SH3BP2: variants seen among roughly 807,000 people sequenced by gnomAD.
The protein encoded by SH3BP2 is SH3 domain binding protein 2, also known as SH3 domain-binding protein 2.
SH3BP2 carries 38 observed loss-of-function variants against 56.2 expected under a neutral mutation model. That is an observed-to-expected ratio of 0.68 (90% confidence interval 0.52 to 0.89). SH3BP2 has a LOEUF of 0.89. Ranked by LOEUF, SH3BP2 falls within the 40% of genes least tolerant of loss-of-function variation. The pLI is 0.00. For synonymous variants in SH3BP2, 346 were observed against 316.7 expected (o/e 1.09, Z -0.98); for missense variants, 748 against 762.6 (o/e 0.98, Z 0.23).
At position 2,833,709 on chromosome 4, in the gene SH3BP2, T is replaced by C. The variant is rs1042949866; in HGVS notation, c.1561T>C (p.Tyr521His). The change falls in exon 13 of 13, where the codon TAC becomes CAC. Residue 521 changes from tyrosine to histidine, a missense_variant. By Grantham distance (83) the Tyr-to-His change is moderately conservative (BLOSUM62 2). Transcript: ENST00000503393. ...TCTTCCCCCACAGGACTCTAAGTTC[T>C]ACCTGGAGGGCGAGGTCCTGTTTGT... ...YRIFEKDSKF[Y>H]LEGEVLFVSV... 1 of 1,610,896 alleles carries C rather than the reference T, an allele frequency of 6.2e-7. No homozygotes were observed. Among genetic ancestry groups the C allele is most frequent in the East Asian group, 2.2e-5 (1 of 44,822 alleles).
chr4:2,802,209 G>A (rs1723309280), intron 1 of SH3BP2, among the ~76,000 whole-genome samples: 1 of 152,166 alleles, frequency 6.6e-6, no homozygotes, highest in Non-Finnish European at 1.5e-5. Flanking sequence ...GACCAGCCTG[G>A]CCAACATAGT....
intron 3 of SH3BP2, chr4:2,823,637 C>A: frequency 2.4e-6 from 1 of 409,904 alleles, no homozygotes; most frequent in Non-Finnish European, 4.9e-6. Flanking sequence ...GGCCTGGGGC[C>A]CACACAAAGG....
Position 2,833,514 on chromosome 4 carries a change from G to T in SH3BP2, c.1549-183G>T, listed in dbSNP as rs545574325. ...ACATGGAGGACGGAGGGGAAGTGAG[G>T]TGGGAACATGGAGAGCACAGGCCTG... On this transcript the variant is annotated intron_variant, in intron 12 of 12. Coordinates refer to ENST00000503393, the MANE Select transcript of SH3BP2 (RefSeq NM_001122681.2). 4.2e-6 allele frequency: 3 copies of T among 706,162 alleles called. No individual in the cohort carries two copies. In the East Asian group the frequency reaches 8.1e-5, roughly 19 times the overall value. The allele number at this position is 706,162 out of a possible 1,614,324, so 43.7% of individuals were successfully genotyped here. A position where few individuals can be genotyped will look rare whatever the true frequency, so the allele number is the denominator to read the frequency against.
In SH3BP2 at chr4:2,795,648, T is replaced by TTC. The variant is rs1723036484; in HGVS notation, c.-5+2510_-5+2511insTC. 2.0e-5 allele frequency among the ~76,000 whole-genome samples: 3 copies of TTC among 152,048 alleles called. No individual in the cohort carries two copies. The South Asian group carries it at 6.2e-4, about 31-fold the overall frequency. On this transcript the variant is annotated intron_variant, in intron 1 of 12. Transcript: ENST00000503393. ...GGCTCCCACCCCTCGGGCCAATGAA[T>TTC]ACAGGGTGGGCCGTCAGGAGGAGGG...
chr4:2,809,670 C>G (rs1187460288), intron 1 of SH3BP2: 2 of 418,338 alleles, frequency 4.8e-6, no homozygotes, highest in African/African-American at 4.3e-5. Flanking sequence ...GCAGGGTCAG[C>G]TCCGTGGTGG....
At chr4:2,801,114 G>A (rs532504878) in intron 1 of SH3BP2, among the ~76,000 whole-genome samples, 62 of 152,314 alleles carry the variant, frequency 4.1e-4, no homozygotes, top group African/African-American at 1.4e-3. Context: ...TCTTGACCGC[G>A]GAGGACCGGG....
chr4:2,825,137 C>G lies in SH3BP2; in HGVS notation c.369C>G (p.Ala123=). The change falls in exon 5 of 13, where the codon GCC becomes GCG. Residue 123 remains alanine (A), a synonymous_variant. Transcript: ENST00000503393. ...SSEEERKSWM[A]LLRREIGHFH... The stretch of plus-strand genomic sequence containing the variant: ...CCGCTGACCTGCAGAGCTGGATGGC[C>G]TTGCTGCGCAGGGAGATTGGCCACT... 6.3e-7 allele frequency: 1 copy of G among 1,576,530 alleles called. No individual in the cohort carries two copies. The highest frequency in any genetic ancestry group is 8.6e-7 in the Non-Finnish European group (1 of 1,161,064).
chr4:2,832,252 G>C (rs374994591), intron 10 of SH3BP2, 79 bp from the exon 11 acceptor site: 1 of 1,266,396 alleles, frequency 7.9e-7, no homozygotes, highest in Admixed American at 1.7e-5. Context: ...AGAAAGCCAG[G>C]CTTGGGAGCG....
At chr4:2,824,919 C>T (rs2108730927) in intron 4 of SH3BP2, 189 bp downstream of exon 4, 1 of 668,814 alleles carries the variant, frequency 1.5e-6, no homozygotes, top group South Asian at 1.7e-5. Flanking sequence ...TGCCCAGAGC[C>T]TGGTGCCAGC....
Position 2,831,670 on chromosome 4 carries a change from C to T in SH3BP2, c.1341C>T (p.Asp447=). The change falls in exon 9 of 13, where the codon GAC becomes GAT. Residue 447 remains aspartate, a synonymous_variant. Coordinates refer to ENST00000503393, the MANE Select transcript of SH3BP2 (RefSeq NM_001122681.2). The surrounding 1 kb of genome is among the most constrained non-coding windows in gnomAD (Gnocchi z 4.1). The stretch of plus-strand genomic sequence containing the variant: ...CTGGCGGGGACGACTCGGACGAGGA[C>T]TATGAGAAGGCAAGGCTGAGCGGCA... ...ADTGGDDSDE[D]YEKVPLPNSV... is the part of the protein sequence containing the mutation. The T allele has an allele frequency of 1.3e-6, 2 of 1,588,962 alleles. No homozygotes were observed. Among genetic ancestry groups the T allele is most frequent in the Non-Finnish European group, 1.7e-6 (2 of 1,166,798 alleles).
chr4:2,804,204 C>T (rs906589553), intron 1 of SH3BP2, among the ~76,000 whole-genome samples: 58 of 152,208 alleles, frequency 3.8e-4, no homozygotes, highest in African/African-American at 1.4e-3. Context: ...GCACCGCCTG[C>T]TCCTGTTCCT....
intron 1 of SH3BP2, among the ~76,000 whole-genome samples, chr4:2,814,588 C>A (rs529361818): frequency 6.6e-6 from 1 of 152,344 alleles, no homozygotes; most frequent in East Asian, 1.9e-4. Flanking sequence ...CACATACTTT[C>A]TGGAAGGGCT....
In SH3BP2 at chr4:2,836,578, C is replaced by CCCCTGCCTGGCTCCCTGCCAGGCT. The variant is rs1560116926; in HGVS notation, c.*2752_*2775dup. On this transcript the variant is annotated 3_prime_UTR_variant, in exon 13 of 13. Coordinates refer to ENST00000503393, the MANE Select transcript of SH3BP2 (RefSeq NM_001122681.2). The stretch of plus-strand genomic sequence containing the variant: ...TCACTGCTCTGAGCCTAGACCCTGG[C>CCCCTGCCTGGCTCCCTGCCAGGCT]CCCTGCCTGGCTCCCTGCCAGGCTC... 6.6e-6 allele frequency: 1 copy of CCCCTGCCTGGCTCCCTGCCAGGCT among 152,330 alleles called. No homozygotes were observed. Among genetic ancestry groups the CCCCTGCCTGGCTCCCTGCCAGGCT allele is most frequent in the Non-Finnish European group, 1.5e-5 (1 of 68,102 alleles). 9.4% of individuals were successfully genotyped at this position (152,330 alleles called of 1,614,324 possible).
At chr4:2,802,141 G>A (rs1723306829) in intron 1 of SH3BP2, among the ~76,000 whole-genome samples, 1 of 152,050 alleles carries the variant, frequency 6.6e-6, no homozygotes, top group Non-Finnish European at 1.5e-5. Context: ...GCTCACACTT[G>A]TAATCCCAGC....
Position 2,812,421 on chromosome 4 carries a change from A to G in SH3BP2, c.-4-8193A>G, listed in dbSNP as rs1709004. ...GCATGGCCTCCCTGGGCCCCAGGAC[A>G]CCGGCCCCGAGCAGGTCACGAGGAC... On this transcript the variant is annotated intron_variant, in intron 1 of 12. Coordinates refer to ENST00000503393, the MANE Select transcript of SH3BP2 (RefSeq NM_001122681.2). 0.041 allele frequency: 63,927 copies of G among 1,550,288 alleles called. 3,199 individuals carry two copies. The highest frequency in any genetic ancestry group is 0.25 in the African/African-American group (17,917 of 73,114).
chr4:2,824,744 C>A lies in SH3BP2; in HGVS notation c.357+14C>A, dbSNP rs752171978. 20 of 1,581,322 alleles carry A rather than the reference C, an allele frequency of 1.3e-5. No homozygotes were observed. The highest frequency in any genetic ancestry group is 1.6e-5 in the Non-Finnish European group (18 of 1,151,120). ...GAGGAGCGCAAGGTGACTGGGGGTCCGAGGACGAGTGCAAGGTGACTGGGG... is the reference window on the plus strand; with the variant it reads ...GAGGAGCGCAAGGTGACTGGGGGTCAGAGGACGAGTGCAAGGTGACTGGGG... On this transcript the variant is annotated intron_variant, in intron 4 of 12. Transcript: ENST00000503393.
rs1725153433 is a variant in SH3BP2 at position 2,834,204 on chromosome 4, G to A, written c.*370G>A. The A allele has an allele frequency of 2.4e-5, 5 of 207,496 alleles. No individual in the cohort carries two copies. Among genetic ancestry groups the A allele is most frequent in the Admixed American group, 2.2e-4 (4 of 18,142 alleles). The allele number at this position is 207,496 out of a possible 1,614,324, so 12.9% of individuals were successfully genotyped here. A position where few individuals can be genotyped will look rare whatever the true frequency, so the allele number is the denominator to read the frequency against. On this transcript the variant is annotated 3_prime_UTR_variant, in exon 13 of 13. Coordinates refer to ENST00000503393, the MANE Select transcript of SH3BP2 (RefSeq NM_001122681.2). ...GGGCCAGGGCAGCTGGGTGGGGGCC[G>A]GGGCTGGCCCTGGGACCCCCAGGAA...
In SH3BP2 at chr4:2,830,159, T is replaced by C; in HGVS notation, c.1241+12T>C. ...CTCCCGCACCTCCAGTGAGTTTGTG[T>C]GGCGGCTGCAAGCCCTGCCTCCAGC... is the stretch of plus-strand genomic sequence containing the variant. On this transcript the variant is annotated intron_variant, in intron 8 of 12. Coordinates refer to ENST00000503393, the MANE Select transcript of SH3BP2 (RefSeq NM_001122681.2). 6.3e-7 allele frequency: 1 copy of C among 1,596,346 alleles called. No homozygotes were observed. Among genetic ancestry groups the C allele is most frequent in the Non-Finnish European group, 8.5e-7 (1 of 1,178,516 alleles).
intron 1 of SH3BP2, among the ~76,000 whole-genome samples, chr4:2,802,170 C>T (rs1256490733): frequency 3.3e-5 from 5 of 151,652 alleles, no homozygotes; most frequent in East Asian, 1.9e-4. Flanking sequence ...AGGCCGAGGC[C>T]GGCAGATCAC....
Sources: gnomAD v4.1 joint callset for allele counts (sites outside exome capture counted in the v4.1 genomes callset) on GRCh38, gnomAD v4.1.1 for gene constraint, Gnocchi (gnomAD v3.1) non-coding constraint, MANE v1.5 for transcripts, NCBI Gene and HGNC (gene_info 2026-07-23, HGNC 2026-07-21) for gene names.